Variants in SUMF1 observed in about 807,000 individuals in gnomAD.
SUMF1 encodes sulfatase modifying factor 1.
In SUMF1, 48 loss-of-function variants were observed where a neutral mutation model predicts 47.6. The observed-to-expected ratio is 1.01, with a 90% CI of 0.80 to 1.28. SUMF1 has a LOEUF of 1.28. Ranked by LOEUF, SUMF1 falls within the 50% of genes most tolerant of loss-of-function variation. The pLI is 0.00. For missense variants in SUMF1, 571 were observed against 485.4 expected (o/e 1.18, Z -1.66); for synonymous variants, 230 against 192.1 (o/e 1.20, Z -1.63).
At chr3:4,123,769 T>C (rs370622517) in intron 8 of SUMF1, among the ~76,000 whole-genome samples, 3 of 152,214 alleles carry the variant, frequency 2.0e-5, no homozygotes, top group East Asian at 3.9e-4. Flanking sequence ...TTTCTCTAAA[T>C]AATGGGAAAA....
intron 7 of SUMF1, among the ~76,000 whole-genome samples, chr3:4,407,584 T>C (rs1701414732): frequency 6.6e-6 from 1 of 152,192 alleles, no homozygotes; most frequent in Admixed American, 6.5e-5. Flanking sequence ...GGTCAATAAT[T>C]ATATACAGGT....
chr3:4,149,094 T>C (rs1694259175), intron 8 of SUMF1, among the ~76,000 whole-genome samples: 1 of 152,176 alleles, frequency 6.6e-6, no homozygotes, highest in Non-Finnish European at 1.5e-5. Flanking sequence ...CTGGAGTTCC[T>C]TAAGAGCTCT....
intron 7 of SUMF1, among the ~76,000 whole-genome samples, chr3:4,386,317 A>G (rs1006668431): frequency 2.0e-5 from 3 of 152,294 alleles, no homozygotes; most frequent in Middle Eastern, 3.4e-3. Flanking sequence ...GCACACATGT[A>G]CTAAACACAT....
chr3:4,373,686 T>C (rs1700236921), intron 8 of SUMF1, among the ~76,000 whole-genome samples: 1 of 152,136 alleles, frequency 6.6e-6, no homozygotes, highest in African/African-American at 2.4e-5. Flanking sequence ...AATAAGTTAA[T>C]ATTTAACAAC....
intron 8 of SUMF1, among the ~76,000 whole-genome samples, chr3:4,275,847 A>G (rs1697403167): frequency 6.6e-6 from 1 of 152,232 alleles, no homozygotes; most frequent in Non-Finnish European, 1.5e-5. Flanking sequence ...CGTCAGAACT[A>G]GCAGAAGCAC....
rs905109807 is a variant in SUMF1, at chr3:4,267,233, G to C, written c.1014+109097C>G. 4.6e-5 allele frequency among the ~76,000 whole-genome samples: 7 copies of C among 152,246 alleles called. No homozygotes were observed. The East Asian group carries it at 5.8e-4, about 13-fold the overall frequency. ...CGGCTTTGGTATCAGAATGATGCTG[G>C]CCTCATAAAATGAGTTAGGGAGGTT... On this transcript the variant is annotated intron_variant and NMD_transcript_variant, in intron 8 of 12. Coordinates refer to the SUMF1 transcript ENST00000448413.
intron 8 of SUMF1, among the ~76,000 whole-genome samples, chr3:4,177,763 G>T (rs1694999213): frequency 6.6e-6 from 1 of 151,922 alleles, no homozygotes; most frequent in Admixed American, 6.6e-5. Context: ...CTGGTTTTTT[G>T]AAAAGATCAA....
At chr3:4,119,993 TAACA>T (rs1455813686) in intron 8 of SUMF1, among the ~76,000 whole-genome samples, 1 of 152,242 alleles carries the variant, frequency 6.6e-6, no homozygotes, top group East Asian at 1.9e-4. Context: ...TAGGAAATGT[TAACA>T]AACAGCAGAC....
intron 8 of SUMF1, among the ~76,000 whole-genome samples, chr3:4,094,434 A>G (rs571254401): frequency 8.5e-5 from 13 of 152,220 alleles, no homozygotes; most frequent in Middle Eastern, 3.4e-3. Flanking sequence ...TATAATTACC[A>G]AAAGAAGGAT....
chr3:4,314,806 T>C (rs1698570994), intron 8 of SUMF1, among the ~76,000 whole-genome samples: 1 of 152,202 alleles, frequency 6.6e-6, no homozygotes, highest in Non-Finnish European at 1.5e-5. Flanking sequence ...TCAGACATTT[T>C]GAAAGCTAAA....
rs150668048 is a variant in SUMF1 at position 4,449,336 on chromosome 3, T to G, written c.449A>C (p.Glu150Ala). The G allele has an allele frequency of 6.2e-7, 1 of 1,614,132 alleles. No individual in the cohort carries two copies. Among genetic ancestry groups the G allele is most frequent in the African/African-American group, 1.3e-5 (1 of 75,050 alleles). ...VNSTGYLTEA[E>A]KFGDSFVFEG... is the part of the protein sequence containing the mutation. ...AAAGACAAAGGAGTCGCCAAACTTCTCAGCCTATAAGGAAGGTAGGAAATA... is the reference window on the plus strand; with the variant it reads ...AAAGACAAAGGAGTCGCCAAACTTCGCAGCCTATAAGGAAGGTAGGAAATA... Residue 150 changes from glutamate to alanine, a missense_variant, in exon 3 of 9, where the codon GAG becomes GCG. Physicochemically the swap from Glu to Ala is moderately radical, Grantham distance 107. Coordinates refer to ENST00000272902, the MANE Select transcript of SUMF1 (RefSeq NM_182760.4).
intron 3 of SUMF1, among the ~76,000 whole-genome samples, chr3:4,432,740 T>C (rs1341799445): frequency 6.6e-6 from 1 of 152,224 alleles, no homozygotes. Context: ...GTTATAAATT[T>C]ACCTGTTTAG....
intron 3 of SUMF1, among the ~76,000 whole-genome samples, chr3:4,435,150 C>T (rs1324778350): frequency 2.0e-5 from 3 of 152,178 alleles, no homozygotes; most frequent in Non-Finnish European, 4.4e-5. Context: ...TGGTCTTGAA[C>T]TCCTAACCTC....
chr3:4,282,382 G>A (rs1697546671), intron 8 of SUMF1, among the ~76,000 whole-genome samples: 1 of 152,154 alleles, frequency 6.6e-6, no homozygotes, highest in African/African-American at 2.4e-5. Flanking sequence ...TATACAGAGG[G>A]AAAGGATGTG....
intron 8 of SUMF1, among the ~76,000 whole-genome samples, chr3:4,070,939 G>C (rs774117068): frequency 1.3e-5 from 2 of 152,040 alleles, no homozygotes; most frequent in Non-Finnish European, 1.5e-5. Context: ...CCTCCTTTCA[G>C]TACTTTCTTA....
chr3:4,222,353 A>G (rs1696084818), intron 8 of SUMF1, among the ~76,000 whole-genome samples: 1 of 152,074 alleles, frequency 6.6e-6, no homozygotes, highest in African/African-American at 2.4e-5. Flanking sequence ...TTGTTGCCAC[A>G]TTAACACCAA....
rs200496927 is a variant in SUMF1 at position 4,159,393 on chromosome 3, G to C, written c.1015-90648C>G. Among the ~76,000 whole-genome samples, 4 of 148,946 alleles carry C rather than the reference G, an allele frequency of 2.7e-5. No individual in the cohort carries two copies. In the East Asian group the frequency reaches 7.8e-4, roughly 29 times the overall value. On this transcript the variant is annotated intron_variant and NMD_transcript_variant, in intron 8 of 12. Transcript: ENST00000448413. ...AACTGAGGACAACTTAACACTGATT[G>C]CATAAACAAACTAACAAACCAGCAA...
chr3:4,065,290 G>A (rs1363135668), intron 9 of SUMF1, among the ~76,000 whole-genome samples: 3 of 151,958 alleles, frequency 2.0e-5, no homozygotes, highest in Admixed American at 2.0e-4. Context: ...TGATACCTAT[G>A]CTTCACTGGG....
At chr3:4,294,637 T>C (rs1357686541) in intron 8 of SUMF1, among the ~76,000 whole-genome samples, 3 of 152,124 alleles carry the variant, frequency 2.0e-5, no homozygotes, top group Admixed American at 1.3e-4. Flanking sequence ...CTGACATTTT[T>C]TTCCTCCTCT....
Sources: allele counts gnomAD v4.1 joint callset (sites outside exome capture counted in the v4.1 genomes callset), GRCh38; gene constraint gnomAD v4.1.1; transcripts MANE v1.5; gene names NCBI Gene and HGNC (gene_info 2026-07-23, HGNC 2026-07-21).